Variants in ESR1 observed in about 807,000 individuals in gnomAD.
The protein encoded by ESR1 is estrogen receptor 1, also known as estrogen receptor.
ESR1 carries 12 observed loss-of-function variants against 52.7 expected under a neutral mutation model. The observed-to-expected ratio is 0.23, with a 90% CI of 0.15 to 0.37. The LOEUF is 0.37. Among genes scored for constraint, ESR1 ranks in the 10% least tolerant of loss-of-function variants. The pLI is 1.00. For missense variants in ESR1, 584 were observed against 779.7 expected, an observed-to-expected ratio of 0.75 and a Z score of 2.99; for synonymous variants, 305 against 316.8, an observed-to-expected ratio of 0.96 and a Z score of 0.39.
chr6:151,728,977 G>A (rs1270520734), intron 2 of ESR1, among the ~76,000 whole-genome samples: 1 of 152,192 alleles, frequency 6.6e-6, no homozygotes, highest in Non-Finnish European at 1.5e-5. Context: ...TTATTAGTAT[G>A]CCATGACACA....
chr6:152,097,768 G>A (rs761453540), intron 7 of ESR1, among the ~76,000 whole-genome samples: 13 of 152,044 alleles, frequency 8.6e-5, no homozygotes, highest in Non-Finnish European at 1.5e-4. Flanking sequence ...TTTCCTGAAC[G>A]TGAACTGAGC....
In ESR1 at chr6:151,893,214, C is replaced by T. The variant is rs190648882; in HGVS notation, c.760+12443C>T. Among the ~76,000 whole-genome samples the T allele has an allele frequency of 2.4e-3, 367 of 151,834 alleles. 3 individuals are homozygous for T. The highest frequency in any genetic ancestry group is 7.8e-3 in the African/African-American group (323 of 41,456). ...TCAAAAAAAAATTAGCCAGGCATGG[C>T]GGGGAGCGCCTGTAATCCCAGCTAC... On this transcript the variant is annotated intron_variant, in intron 3 of 7. Transcript: ENST00000206249.
At chr6:151,731,185 C>T (rs966501029) in intron 2 of ESR1, among the ~76,000 whole-genome samples, 3 of 151,992 alleles carry the variant, frequency 2.0e-5, no homozygotes, top group Non-Finnish European at 2.9e-5. Context: ...GTGAAACCCC[C>T]GTGTCTACTA....
chr6:151,761,020 A>T (rs1208642128), intron 2 of ESR1, among the ~76,000 whole-genome samples: 1 of 152,184 alleles, frequency 6.6e-6, no homozygotes, highest in Non-Finnish European at 1.5e-5. Flanking sequence ...TACTTTCAAG[A>T]AGGTAACTAT....
At chr6:151,819,171 G>A (rs969989422) in intron 1 of ESR1, among the ~76,000 whole-genome samples, 2 of 152,196 alleles carry the variant, frequency 1.3e-5, no homozygotes, top group Non-Finnish European at 2.9e-5. Context: ...CCTATCAGGT[G>A]AATTTTCCAC....
At chr6:151,667,666 G>T (rs940846878) in intron 1 of ESR1, among the ~76,000 whole-genome samples, 1 of 152,196 alleles carries the variant, frequency 6.6e-6, no homozygotes, top group South Asian at 2.1e-4. Flanking sequence ...ACTGGGCTAG[G>T]AGAGTGCAAT....
intron 7 of ESR1, chr6:152,096,687 G>A: frequency 2.2e-6 from 1 of 455,994 alleles, no homozygotes; most frequent in Non-Finnish European, 4.4e-6. Flanking sequence ...TGTAACAGAT[G>A]AAGGAATCAC....
At position 151,821,403 on chromosome 6, in the gene ESR1, G is replaced by A. The variant is rs138156363; in HGVS notation, c.452+13039G>A. Among the ~76,000 whole-genome samples, 19 of 152,302 alleles carry A rather than the reference G, an allele frequency of 1.2e-4. No individual in the cohort carries two copies. In the East Asian group the frequency reaches 3.3e-3, roughly 26 times the overall value. ...TGAGAATTTTTAACCTCTGTTTGTC[G>A]AGTCGGTGTTAGTTCTCTAGTGATG... On this transcript the variant is annotated intron_variant, in intron 1 of 7. Coordinates refer to ENST00000206249, the MANE Select transcript of ESR1 (RefSeq NM_000125.4).
intron 3 of ESR1, among the ~76,000 whole-genome samples, chr6:151,883,523 C>A (rs1322206140): frequency 6.6e-6 from 1 of 151,944 alleles, no homozygotes; most frequent in Non-Finnish European, 1.5e-5. Context: ...GTATCTCTTT[C>A]TCTTCTCACA....
chr6:152,054,654 A>C (rs1340968970), intron 5 of ESR1, among the ~76,000 whole-genome samples: 1 of 152,190 alleles, frequency 6.6e-6, no homozygotes, highest in Non-Finnish European at 1.5e-5. Context: ...CACTCTTCAC[A>C]GTCTGACTCA....
chr6:151,969,611 C>T (rs9371234), intron 4 of ESR1, among the ~76,000 whole-genome samples: 2 of 152,148 alleles, frequency 1.3e-5, no homozygotes, highest in Admixed American at 6.5e-5. Flanking sequence ...CAGGAGGCAA[C>T]CTTGGCAACA....
chr6:151,951,940 G>T (rs2036372755), intron 4 of ESR1, among the ~76,000 whole-genome samples: 1 of 152,090 alleles, frequency 6.6e-6, no homozygotes, highest in Admixed American at 6.6e-5. Context: ...GTGTACCATT[G>T]GGTCCTCTTC....
At chr6:151,880,330 A>T (rs891733611) in intron 2 of ESR1, among the ~76,000 whole-genome samples, 5 of 151,618 alleles carry the variant, frequency 3.3e-5, no homozygotes, top group African/African-American at 1.2e-4. Flanking sequence ...TTACAGGTGT[A>T]CACCACCATA....
Position 152,088,834 on chromosome 6 carries a change from C to T in ESR1, c.1370-5551C>T, listed in dbSNP as rs146421708. 1.9e-3 allele frequency among the ~76,000 whole-genome samples: 290 copies of T among 152,052 alleles called. 2 individuals carry two copies. Among genetic ancestry groups the T allele is most frequent in the African/African-American group, 6.5e-3 (270 of 41,458 alleles). ...ACAACAGAAAATGGGCTAAAACACA[C>T]GCCAAGAAAATTGAAAGACTGTGGA... On this transcript the variant is annotated intron_variant, in intron 6 of 7. Transcript: ENST00000206249.
At chr6:151,661,279 C>T (rs540991020) in intron 1 of ESR1, among the ~76,000 whole-genome samples, 85 of 152,212 alleles carry the variant, frequency 5.6e-4, no homozygotes, top group African/African-American at 1.9e-3. Flanking sequence ...TTTTGATATC[C>T]AGGAGATGAA....
intron 4 of ESR1, among the ~76,000 whole-genome samples, chr6:151,954,054 G>A (rs910261870): frequency 1.3e-5 from 2 of 152,042 alleles, no homozygotes; most frequent in African/African-American, 4.8e-5. Flanking sequence ...TCTTGCTAGC[G>A]TGAACTAAAT....
At chr6:151,986,241 A>C (rs868431630) in intron 4 of ESR1, among the ~76,000 whole-genome samples, 12 of 152,150 alleles carry the variant, frequency 7.9e-5, no homozygotes, top group Admixed American at 4.6e-4. Flanking sequence ...AGAAAAATCA[A>C]ATTCAAGAGG....
chr6:151,683,744 G>A (rs1056744607), intron 1 of ESR1, among the ~76,000 whole-genome samples: 4 of 151,898 alleles, frequency 2.6e-5, no homozygotes, highest in Admixed American at 2.6e-4. Context: ...TGTCGCCCAG[G>A]CTAGAGTGCA....
intron 2 of ESR1, among the ~76,000 whole-genome samples, chr6:151,757,229 C>A (rs1294829534): frequency 1.3e-5 from 1 of 78,222 alleles, no homozygotes; most frequent in Non-Finnish European, 2.3e-5. Flanking sequence ...GCTATTTTAA[C>A]GTTCCATTAA....
Sources: gnomAD v4.1 joint callset for allele counts (sites outside exome capture counted in the v4.1 genomes callset) on GRCh38, gnomAD v4.1.1 for gene constraint, MANE v1.5 for transcripts, NCBI Gene and HGNC (gene_info 2026-07-23, HGNC 2026-07-21) for gene names.